Variants in UVRAG observed in about 807,000 individuals in gnomAD.
UVRAG encodes UV radiation resistance-associated gene protein.
UVRAG carries 19 observed loss-of-function variants against 78.0 expected under a neutral mutation model. That is an observed-to-expected ratio of 0.24 (90% CI 0.17 to 0.36). The LOEUF (loss-of-function observed/expected upper bound fraction) is 0.36. Ranked by LOEUF, UVRAG falls within the 10% of genes least tolerant of loss-of-function variation. UVRAG has a pLI of 1.00. For missense variants in UVRAG, 740 were observed against 853.8 expected (o/e 0.87, Z 1.66); for synonymous variants, 323 against 324.6 (o/e 1.00, Z 0.05).
chr11:76,125,745 G>A (rs1394526959), intron 14 of UVRAG, among the ~76,000 whole-genome samples: 1 of 152,014 alleles, frequency 6.6e-6, no homozygotes, highest in Admixed American at 6.6e-5. Flanking sequence ...AAAATAGTAT[G>A]GGCTCAATGA....
Position 75,960,715 on chromosome 11 carries a change from C to T in UVRAG, c.594-729C>T, listed in dbSNP as rs142402721. Among the ~76,000 whole-genome samples the T allele has an allele frequency of 8.9e-3, 1,361 of 152,136 alleles. 21 individuals carry two copies. Among genetic ancestry groups the T allele is most frequent in the African/African-American group, 0.031 (1,306 of 41,466 alleles). ...CCGGGAGGTCAAGGCTGCAGTGAGC[C>T]GTGATTGCACCACTGTACTCCAGCC... On this transcript the variant is annotated intron_variant, in intron 6 of 14. Coordinates refer to ENST00000356136, the MANE Select transcript of UVRAG (RefSeq NM_003369.4).
At chr11:76,042,441 A>C (rs1022006788) in intron 12 of UVRAG, among the ~76,000 whole-genome samples, 1 of 152,320 alleles carries the variant, frequency 6.6e-6, no homozygotes, top group South Asian at 2.1e-4. Flanking sequence ...TGGTTACCTA[A>C]CCATGGTCAT....
rs1565114915 is a variant in UVRAG at position 76,004,035 on chromosome 11, T to C, written c.857T>C (p.Leu286Pro). 1 of 1,614,016 alleles carries C rather than the reference T, an allele frequency of 6.2e-7. No homozygotes were observed. Among genetic ancestry groups the C allele is most frequent in the East Asian group, 2.2e-5 (1 of 44,870 alleles). The change falls in exon 9 of 15, where the codon CTT (leucine) becomes CCT (proline). Residue 286 changes from leucine to proline, a missense_variant. Leu to Pro is a moderately conservative substitution (Grantham distance 98). Coordinates refer to ENST00000356136, the MANE Select transcript of UVRAG (RefSeq NM_003369.4). ...GCATTTTCAGCTGAGCACCTCAAAC[T>C]TCAACTCCAGAAGGAATCCCTAAAT... ...GSAFSAEHLKLQLQKESLNEL... is the reference protein window; with the variant it reads ...GSAFSAEHLKPQLQKESLNEL...
intron 12 of UVRAG, among the ~76,000 whole-genome samples, chr11:76,053,820 A>G (rs1950922744): frequency 6.6e-6 from 1 of 152,024 alleles, no homozygotes; most frequent in South Asian, 2.1e-4. Context: ...AATACAAAAA[A>G]TTAGCCACAC....
intron 3 of UVRAG, among the ~76,000 whole-genome samples, chr11:75,870,728 T>C (rs1406117633): frequency 2.0e-5 from 3 of 152,160 alleles, no homozygotes; most frequent in Non-Finnish European, 4.4e-5. Flanking sequence ...TTTTTTCCCT[T>C]GTTGGATCTT....
intron 12 of UVRAG, among the ~76,000 whole-genome samples, chr11:76,044,055 G>T (rs1050174900): frequency 1.3e-5 from 2 of 152,164 alleles, no homozygotes; most frequent in South Asian, 2.1e-4. Context: ...TTCAGGAAAT[G>T]CAGGCTGCTT....
At chr11:75,838,860 G>A (rs892738724) in intron 1 of UVRAG, 7 of 152,122 alleles carry the variant, frequency 4.6e-5, no homozygotes, top group East Asian at 3.8e-4. Flanking sequence ...ATGTATTAAC[G>A]GGTTAATGGG....
At position 76,031,386 on chromosome 11, in the gene UVRAG, C is replaced by T. The variant is rs910872544; in HGVS notation, c.1226+14406C>T. ...AACACCTTGTGAAGATTAGGCATTC[C>T]GCTGAGAGAGGAGAAATGTGGAAAA... On this transcript the variant is annotated intron_variant, in intron 12 of 14. Transcript: ENST00000356136. Among the ~76,000 whole-genome samples the T allele has an allele frequency of 7.9e-5, 12 of 152,132 alleles. No homozygotes were observed. The East Asian group carries it at 1.9e-3, about 24-fold the overall frequency.
intron 1 of UVRAG, among the ~76,000 whole-genome samples, chr11:75,832,375 TCTC>T (rs1354671595): frequency 6.6e-6 from 1 of 152,208 alleles, no homozygotes; most frequent in East Asian, 1.9e-4. Flanking sequence ...ACCATGACCT[TCTC>T]CTTGTGTTCA....
intron 1 of UVRAG, among the ~76,000 whole-genome samples, chr11:75,821,044 A>G (rs1315421860): frequency 2.6e-5 from 4 of 152,234 alleles, no homozygotes; most frequent in Non-Finnish European, 5.9e-5. Flanking sequence ...TATTTCCAGA[A>G]TGTTTACATC....
At chr11:75,922,437 G>C (rs1402318617) in intron 6 of UVRAG, among the ~76,000 whole-genome samples, 1 of 151,744 alleles carries the variant, frequency 6.6e-6, no homozygotes, top group South Asian at 2.1e-4. Context: ...TTTTTTTAAG[G>C]AAAGCTCTCC....
chr11:75,849,564 C>T (rs1036215156), intron 1 of UVRAG, among the ~76,000 whole-genome samples: 2 of 151,782 alleles, frequency 1.3e-5, no homozygotes, highest in Non-Finnish European at 2.9e-5. Flanking sequence ...ATTAAATGTT[C>T]ACATGTATGA....
chr11:76,115,913 C>T lies in UVRAG; in HGVS notation c.1306-11C>T, dbSNP rs778892922. The T allele has an allele frequency of 2.5e-6, 4 of 1,612,434 alleles. No individual in the cohort carries two copies. In the Admixed American group the frequency reaches 6.7e-5, roughly 27 times the overall value. ...CAAAATATCTTTAATTCTATTTTTT[C>T]ACCTTCACAGCTAAGATATCAACAT... On this transcript the variant is annotated splice_polypyrimidine_tract_variant and intron_variant, in intron 13 of 14. Coordinates refer to ENST00000356136, the MANE Select transcript of UVRAG (RefSeq NM_003369.4).
intron 7 of UVRAG, among the ~76,000 whole-genome samples, chr11:75,972,668 A>G (rs1299331942): frequency 6.6e-6 from 1 of 152,190 alleles, no homozygotes; most frequent in Non-Finnish European, 1.5e-5. Flanking sequence ...AGCTTATGGT[A>G]ATTCTAGACA....
At chr11:75,998,609 A>C (rs1290196850) in intron 8 of UVRAG, among the ~76,000 whole-genome samples, 2 of 152,222 alleles carry the variant, frequency 1.3e-5, no homozygotes, top group Non-Finnish European at 2.9e-5. Flanking sequence ...GTGTAAGGAA[A>C]GACAGACAAC....
At chr11:76,111,921 T>C (rs527509066) in intron 13 of UVRAG, among the ~76,000 whole-genome samples, 2 of 97,676 alleles carry the variant, frequency 2.0e-5, no homozygotes, top group East Asian at 2.9e-4. Flanking sequence ...AAAAAAAGTC[T>C]AAAATAAAGT....
chr11:75,908,817 A>C (rs1947675614), intron 5 of UVRAG, among the ~76,000 whole-genome samples: 1 of 134,702 alleles, frequency 7.4e-6, no homozygotes, highest in African/African-American at 2.8e-5. Context: ...TTTCTTCTTG[A>C]GTCATTTTTG....
chr11:75,826,390 C>T (rs1440814348), intron 1 of UVRAG, among the ~76,000 whole-genome samples: 1 of 150,958 alleles, frequency 6.6e-6, no homozygotes, highest in Non-Finnish European at 1.5e-5. Context: ...CTCCTGACCT[C>T]GTGATCCACC....
At chr11:75,816,245 C>A (rs1430079863) in intron 1 of UVRAG, among the ~76,000 whole-genome samples, 1 of 152,150 alleles carries the variant, frequency 6.6e-6, no homozygotes, top group Non-Finnish European at 1.5e-5. Context: ...GACTTCTTGG[C>A]TCTGCGTTGT....
Sources: allele counts gnomAD v4.1 joint callset (sites outside exome capture counted in the v4.1 genomes callset), GRCh38; gene constraint gnomAD v4.1.1; transcripts MANE v1.5; gene names NCBI Gene and HGNC (gene_info 2026-07-23, HGNC 2026-07-21).